Variants in TRIM24 observed in about 807,000 individuals in gnomAD.
TRIM24 encodes transcription intermediary factor 1-alpha.
TRIM24 carries 29 observed loss-of-function variants against 123.9 expected under a neutral mutation model. The ratio of observed to expected loss-of-function variants is 0.23; its 90% CI spans 0.17 to 0.32. The LOEUF is 0.32. TRIM24 is among the 10% of genes least tolerant of loss of function. The pLI, the probability that TRIM24 is intolerant of heterozygous loss-of-function variation, is 1.00. For missense variants in TRIM24, 932 were observed against 1,295.3 expected (o/e 0.72, Z 4.31); for synonymous variants, 456 against 461.1 (o/e 0.99, Z 0.14).
chr7:138,463,919 A>G (rs947928666), intron 1 of TRIM24, among the ~76,000 whole-genome samples: 4 of 149,438 alleles, frequency 2.7e-5, no homozygotes, highest in Admixed American at 6.7e-5. Context: ...AGTCTTAGTG[A>G]CTTGGGTATT....
chr7:138,515,500 AT>A (rs1796376087), intron 3 of TRIM24, 141 bp downstream of exon 3: 3 of 1,035,322 alleles, frequency 2.9e-6, no homozygotes, highest in Non-Finnish European at 1.3e-6. Context: ...TATTATCGAA[AT>A]TTAAGTACTT....
At chr7:138,527,846 C>T (rs1796642203) in intron 5 of TRIM24, among the ~76,000 whole-genome samples, 1 of 152,052 alleles carries the variant, frequency 6.6e-6, no homozygotes, top group African/African-American at 2.4e-5. Context: ...GCACTCATAC[C>T]CAGCGGATTA....
intron 2 of TRIM24, among the ~76,000 whole-genome samples, chr7:138,508,722 T>TGTGTGTGTGTGCGTGTGC (rs1258402332): frequency 8.0e-6 from 1 of 124,268 alleles, no homozygotes; most frequent in Admixed American, 9.9e-5. Flanking sequence ...TGTGTGTGCG[T>TGTGTGTGTGTGCGTGTGC]GTGTGTGTGT....
At chr7:138,486,409 C>CCCAT (rs1795648431) in intron 1 of TRIM24, among the ~76,000 whole-genome samples, 1 of 152,132 alleles carries the variant, frequency 6.6e-6, no homozygotes, top group South Asian at 2.1e-4. Context: ...GAAGTCCTTG[C>CCCAT]CCATGCCTAT....
chr7:138,523,750 CAAAAAAAAA>C (rs756103684), intron 4 of TRIM24, among the ~76,000 whole-genome samples: 1 of 57,236 alleles, frequency 1.7e-5, no homozygotes, highest in South Asian at 7.0e-4. Flanking sequence ...GACTCCGTCT[CAAAAAAAAA>C]AAAAAAAAAA....
intron 6 of TRIM24, among the ~76,000 whole-genome samples, chr7:138,529,608 T>A (rs763340240): frequency 1.3e-5 from 2 of 152,218 alleles, no homozygotes; most frequent in Non-Finnish European, 2.9e-5. Context: ...TTCTCAAATA[T>A]ATATATTTAA....
chr7:138,561,821 C>G (rs1797434273), intron 9 of TRIM24, among the ~76,000 whole-genome samples: 1 of 152,186 alleles, frequency 6.6e-6, no homozygotes. Context: ...AATGCCTTCT[C>G]CTGGTCAGCC....
intron 10 of TRIM24, among the ~76,000 whole-genome samples, chr7:138,569,704 A>G (rs1247308717): frequency 2.6e-5 from 4 of 152,220 alleles, no homozygotes; most frequent in Admixed American, 6.5e-5. Flanking sequence ...AGTTTCTACA[A>G]TGGAATATAT....
intron 6 of TRIM24, among the ~76,000 whole-genome samples, chr7:138,537,390 T>TTTG (rs1796910253): frequency 2.4e-5 from 3 of 127,544 alleles, no homozygotes; most frequent in African/African-American, 9.0e-5. Flanking sequence ...TTTTTTTTTT[T>TTTG]TTTTTTTTTT....
intron 6 of TRIM24, among the ~76,000 whole-genome samples, chr7:138,534,458 C>T (rs1173802133): frequency 6.6e-6 from 1 of 152,162 alleles, no homozygotes; most frequent in Non-Finnish European, 1.5e-5. Context: ...TTTCTGCCTT[C>T]ATTTTGTTAT....
At chr7:138,562,953 C>A (rs1434239863) in intron 9 of TRIM24, among the ~76,000 whole-genome samples, 2 of 152,192 alleles carry the variant, frequency 1.3e-5, no homozygotes, top group Non-Finnish European at 2.9e-5. Flanking sequence ...TTGGGAGGTA[C>A]AGGAATTCAT....
chr7:138,573,765 A>G (rs932789614), intron 12 of TRIM24, 123 bp downstream of exon 12: 11 of 1,093,164 alleles, frequency 1.0e-5, no homozygotes, highest in Non-Finnish European at 1.4e-5. Context: ...ACTATTTAAA[A>G]TTAGTATGCT....
intron 2 of TRIM24, among the ~76,000 whole-genome samples, chr7:138,512,588 T>A (rs1418733422): frequency 6.6e-6 from 1 of 152,156 alleles, no homozygotes; most frequent in Non-Finnish European, 1.5e-5. Context: ...TTGCACCCTG[T>A]GAAGCAGTGG....
intron 6 of TRIM24, among the ~76,000 whole-genome samples, chr7:138,532,171 T>C (rs1157060439): frequency 6.6e-6 from 1 of 151,848 alleles, no homozygotes; most frequent in African/African-American, 2.4e-5. Flanking sequence ...AGGTTGCCTG[T>C]TCACTCTGAT....
At chr7:138,524,388 G>GT (rs1796567652) in intron 4 of TRIM24, among the ~76,000 whole-genome samples, 1 of 151,894 alleles carries the variant, frequency 6.6e-6, no homozygotes, top group Non-Finnish European at 1.5e-5. Flanking sequence ...GTTTACTAAG[G>GT]TAAAAAAAAC....
intron 7 of TRIM24, among the ~76,000 whole-genome samples, chr7:138,548,789 T>C (rs1218904478): frequency 1.3e-5 from 2 of 152,218 alleles, no homozygotes; most frequent in African/African-American, 2.4e-5. Context: ...TAGGTATTTA[T>C]TTGTTTATTT....
chr7:138,585,955 G>A lies in TRIM24; in HGVS notation c.*1004G>A, dbSNP rs1161340723. On this transcript the variant is annotated 3_prime_UTR_variant, in exon 19 of 19. Coordinates refer to ENST00000343526, the MANE Select transcript of TRIM24 (RefSeq NM_015905.3). ...TGTCTATAATTTGGAATGAAAATGT[G>A]TTGTAGGATTTTGGGAGCAGGCAGC... 1 of 508,162 alleles carries A rather than the reference G, an allele frequency of 2.0e-6. No homozygotes were observed. Among genetic ancestry groups the A allele is most frequent in the South Asian group, 1.4e-5 (1 of 70,478 alleles). The allele number at this position is 508,162 out of a possible 1,614,324, so 31.5% of individuals were successfully genotyped here.
chr7:138,491,075 A>T, intron 1 of TRIM24: 1 of 250,464 alleles, frequency 4.0e-6, no homozygotes, highest in Non-Finnish European at 8.0e-6. Flanking sequence ...ATGCCATGGA[A>T]GTTAAGTCAG....
At chr7:138,573,441 T>C in intron 11 of TRIM24, 66 bp from the exon 12 acceptor site, 1 of 1,400,036 alleles carries the variant, frequency 7.1e-7, no homozygotes, top group Non-Finnish European at 9.5e-7. Context: ...AGCTTTCTTA[T>C]AAATTTAAAA....
Sources: gnomAD v4.1 joint callset for allele counts (sites outside exome capture counted in the v4.1 genomes callset) on GRCh38, gnomAD v4.1.1 for gene constraint, MANE v1.5 for transcripts, NCBI Gene and HGNC (gene_info 2026-07-23, HGNC 2026-07-21) for gene names.